The following DCDC2 variants were observed in gnomAD, a reference collection of about 807,000 sequenced individuals.
DCDC2 encodes the protein doublecortin domain-containing protein 2.
DCDC2 carries 40 observed loss-of-function variants against 50.2 expected under a neutral mutation model. That is an observed-to-expected ratio of 0.80 (90% CI 0.62 to 1.04). The LOEUF (loss-of-function observed/expected upper bound fraction) is 1.04. Among genes scored for constraint, DCDC2 ranks in the 50% least tolerant of loss-of-function variants. The pLI, the probability that DCDC2 is intolerant of heterozygous loss-of-function variation, is 0.00. For synonymous variants in DCDC2, 234 were observed against 210.6 expected, an observed-to-expected ratio of 1.11 and a Z score of -0.96; for missense variants, 570 against 581.9, an observed-to-expected ratio of 0.98 and a Z score of 0.21.
chr6:24,211,383 C>T (rs777316931), intron 7 of DCDC2, among the ~76,000 whole-genome samples: 9 of 152,134 alleles, frequency 5.9e-5, no homozygotes, highest in African/African-American at 1.9e-4. Context: ...CAACAAATTA[C>T]GTTATTGGTG....
intron 2 of DCDC2, among the ~76,000 whole-genome samples, chr6:24,319,090 T>C (rs895541008): frequency 2.6e-5 from 4 of 152,072 alleles, no homozygotes; most frequent in Non-Finnish European, 5.9e-5. Flanking sequence ...CTTGCCAACA[T>C]TTGTTGTTTT....
chr6:24,360,595 A>C (rs1178866746), upstream of DCDC2, among the ~76,000 whole-genome samples: 1 of 152,210 alleles, frequency 6.6e-6, no homozygotes, highest in Non-Finnish European at 1.5e-5. Flanking sequence ...CGCTTTGTCC[A>C]GTCCAGTCTG....
intron 2 of DCDC2, among the ~76,000 whole-genome samples, chr6:24,338,068 C>CA (rs1479734888): frequency 6.6e-5 from 10 of 152,212 alleles, no homozygotes; most frequent in Non-Finnish European, 1.0e-4. Flanking sequence ...CACAGTCCCT[C>CA]ATCTGTGAGC....
chr6:24,215,434 G>A lies in DCDC2; in HGVS notation c.923-10332C>T, dbSNP rs547122675. 7.2e-5 allele frequency among the ~76,000 whole-genome samples: 11 copies of A among 152,186 alleles called. No individual in the cohort carries two copies. In the South Asian group the frequency reaches 1.5e-3, roughly 20 times the overall value. ...GTGGGGTGCATGGGGCTGAGGGAGC[G>A]TCCTGGAAACAGAGTTGCCTGGACA... On this transcript the variant is annotated intron_variant, in intron 7 of 9. Transcript: ENST00000378454.
At chr6:24,298,067 G>A (rs371048705) in intron 4 of DCDC2, among the ~76,000 whole-genome samples, 226 of 152,348 alleles carry the variant, frequency 1.5e-3, no homozygotes, top group African/African-American at 5.0e-3. Flanking sequence ...CTCCACAGAC[G>A]GAGTGGGGGA....
chr6:24,249,901 G>A (rs1163390750), intron 7 of DCDC2, among the ~76,000 whole-genome samples: 2 of 152,110 alleles, frequency 1.3e-5, no homozygotes, highest in Non-Finnish European at 2.9e-5. Context: ...GTTTCAGAAG[G>A]GAATCACTGA....
At position 24,357,479 on chromosome 6, in the gene DCDC2, T is replaced by G; in HGVS notation, c.272A>C (p.Gln91Pro). 1 of 1,608,674 alleles carries G rather than the reference T, an allele frequency of 6.2e-7. No individual in the cohort carries two copies. ...QSGGNYVAGG[Q>P]EAFKKLNYLD... ...TCACTTGAGTTTCTTGAAGGCTTCC[T>G]GGCCTCCAGCCACGTAATTGCCCCC... The change falls in exon 1 of 10, where the codon CAG (glutamine) becomes CCG (proline). Residue 91 changes from glutamine to proline, a missense_variant. By Grantham distance (76) the Gln-to-Pro change is moderately conservative (BLOSUM62 -1). Transcript: ENST00000378454.
intron 2 of DCDC2, among the ~76,000 whole-genome samples, chr6:24,302,709 C>T (rs930513483): frequency 6.6e-6 from 1 of 152,072 alleles, no homozygotes; most frequent in Non-Finnish European, 1.5e-5. Context: ...CCATGAGCAG[C>T]CCTCACCTGA....
At chr6:24,345,364 A>G (rs1440277487) in intron 2 of DCDC2, among the ~76,000 whole-genome samples, 1 of 152,192 alleles carries the variant, frequency 6.6e-6, no homozygotes, top group African/African-American at 2.4e-5. Context: ...TAATAATGAT[A>G]TTCAAAATCT....
At chr6:24,357,359 A>G in intron 1 of DCDC2, 99 bp downstream of exon 1, 2 of 1,397,934 alleles carry the variant, frequency 1.4e-6, no homozygotes, top group Non-Finnish European at 1.9e-6. Flanking sequence ...ACAGCCCCTC[A>G]ACCACTGAGG....
intron 7 of DCDC2, among the ~76,000 whole-genome samples, chr6:24,264,587 C>T (rs1219180843): frequency 6.6e-6 from 1 of 151,526 alleles, no homozygotes. Context: ...ATAGTATTTG[C>T]AAGCCTCATG....
chr6:24,365,940 C>T, the DCDC2 span, among the ~76,000 whole-genome samples: 1 of 152,046 alleles, frequency 6.6e-6, no homozygotes, highest in African/African-American at 2.4e-5. Context: ...ACCTCAGCCT[C>T]CCGAGTAGCT....
In DCDC2 at chr6:24,357,613, G is replaced by A; in HGVS notation, c.138C>T (p.Val46=). The A allele has an allele frequency of 6.2e-7, 1 of 1,613,524 alleles. No homozygotes were observed. The change falls in exon 1 of 10, where the codon GTC becomes GTT. Residue 46 remains valine (V), a synonymous_variant. Transcript: ENST00000378454. ...CGCCGCCGGTCACCTCCTTCAGGAA[G>A]ACTTCGAAGCTGGACACCTTCTTCT... is the stretch of plus-strand genomic sequence containing the variant. ...IHEKKVSSFE[V]FLKEVTGGVQ...
chr6:24,299,304 A>G (rs1005432403), intron 4 of DCDC2, among the ~76,000 whole-genome samples: 3 of 152,166 alleles, frequency 2.0e-5, no homozygotes, highest in African/African-American at 7.2e-5. Flanking sequence ...AGATGGACAT[A>G]AAAATAGGAA....
intron 7 of DCDC2, among the ~76,000 whole-genome samples, chr6:24,256,959 A>G (rs978191860): frequency 1.3e-5 from 2 of 152,160 alleles, no homozygotes; most frequent in Non-Finnish European, 2.9e-5. Context: ...ATAAAATTAT[A>G]ACAAGATTAA....
intron 7 of DCDC2, among the ~76,000 whole-genome samples, chr6:24,235,477 G>A: frequency 6.6e-6 from 1 of 152,200 alleles, no homozygotes. Flanking sequence ...TTCCTGGGAT[G>A]CAAGTTTGAT....
intron 8 of DCDC2, among the ~76,000 whole-genome samples, chr6:24,184,810 A>C (rs1165325282): frequency 1.3e-5 from 2 of 152,180 alleles, no homozygotes; most frequent in African/African-American, 2.4e-5. Flanking sequence ...CTCTCCTAGA[A>C]ATGGTTTTGA....
chr6:24,308,452 T>C (rs578241402), intron 2 of DCDC2, among the ~76,000 whole-genome samples: 2 of 152,320 alleles, frequency 1.3e-5, no homozygotes, highest in Non-Finnish European at 2.9e-5. Context: ...GAAGGGGACA[T>C]GCTTTTTCCT....
chr6:24,242,704 G>A (rs1762590307), intron 7 of DCDC2, among the ~76,000 whole-genome samples: 1 of 152,180 alleles, frequency 6.6e-6, no homozygotes, highest in East Asian at 1.9e-4. Context: ...GCTCACGCCT[G>A]TAATTCCAGC....
Sources: allele counts gnomAD v4.1 joint callset (sites outside exome capture counted in the v4.1 genomes callset), GRCh38; gene constraint gnomAD v4.1.1; transcripts MANE v1.5; gene names NCBI Gene and HGNC (gene_info 2026-07-23, HGNC 2026-07-21).